The following ALS2 variants were observed in gnomAD, a reference collection of about 807,000 sequenced individuals.
The protein encoded by ALS2 is alsin.
ALS2 carries 117 observed loss-of-function variants against 203.4 expected under a neutral mutation model. The ratio of observed to expected loss-of-function variants is 0.58; its 90% CI spans 0.50 to 0.67. The LOEUF is 0.67. Ranked by LOEUF, ALS2 falls within the 30% of genes least tolerant of loss-of-function variation. The probability of loss-of-function intolerance (pLI) is 0.00; values close to 1 mark genes in which losing one functional copy is unlikely to be tolerated. For synonymous variants in ALS2, 718 were observed against 725.9 expected, an observed-to-expected ratio of 0.99 and a Z score of 0.17; for missense variants, 1,715 against 1,989.4, an observed-to-expected ratio of 0.86 and a Z score of 2.62.
rs79506003 is a variant in ALS2, at chr2:201,764,336, A to T, written c.176-2518T>A. 5.4e-4 allele frequency among the ~76,000 whole-genome samples: 82 copies of T among 152,294 alleles called. 1 individual carries two copies. The East Asian group carries it at 0.014, about 27-fold the overall frequency. ...CAAAAACAAAAACTGGAGCATATAA[A>T]AAATAGTGAAACAGGCTGGGTGCAG... is the stretch of plus-strand genomic sequence containing the variant. On this transcript the variant is annotated intron_variant, in intron 3 of 33. Coordinates refer to ENST00000264276, the MANE Select transcript of ALS2 (RefSeq NM_020919.4).
rs774876739 is a variant in ALS2, at chr2:201,761,074, G to A, written c.920C>T (p.Ala307Val). 4.3e-6 allele frequency: 7 copies of A among 1,614,156 alleles called. No homozygotes were observed. Among genetic ancestry groups the A allele is most frequent in the Non-Finnish European group, 5.9e-6 (7 of 1,180,026 alleles). ...NDQSVATELNAVSAQITSSDA... is the reference protein window; with the variant it reads ...NDQSVATELNVVSAQITSSDA... ...GCTGCTTGTGATCTGAGCACTTACT[G>A]CATTCAGTTCAGTAGCAACAGACTG... Residue 307 changes from alanine to valine, a missense_variant, in exon 4 of 34, where the codon GCA becomes GTA. This residue lies in a region of ALS2 where 476 missense variants were observed against 539.3 expected (regional missense o/e 0.88). Transcript: ENST00000264276.
rs7601642 is a variant in ALS2 at position 201,728,736 on chromosome 2, A to G, written c.2713-96T>C. 0.073 allele frequency: 105,494 copies of G among 1,451,508 alleles called. 4,254 individuals carry two copies. The highest frequency in any genetic ancestry group is 0.11 in the African/African-American group (7,738 of 70,428). The allele number at this position is 1,451,508 out of a possible 1,614,324, so 89.9% of individuals were successfully genotyped here. On this transcript the variant is annotated intron_variant, in intron 14 of 33. Coordinates refer to ENST00000264276, the MANE Select transcript of ALS2 (RefSeq NM_020919.4). ...ACAGACACAAATCACATTTAAGGGA[A>G]TTTGCTGGTCGTAGCTTAGCTTGGT... is the stretch of plus-strand genomic sequence containing the variant.
intron 11 of ALS2, among the ~76,000 whole-genome samples, 153 bp from the exon 12 acceptor site, chr2:201,738,888 TA>T (rs1692060394): frequency 6.6e-6 from 1 of 152,152 alleles, no homozygotes; most frequent in African/African-American, 2.4e-5. Flanking sequence ...GCAGGTTGTG[TA>T]ATAATTACAA....
At position 201,753,147 on chromosome 2, in the gene ALS2, T is replaced by C. The variant is rs1386670079; in HGVS notation, c.1736A>G (p.Gln579Arg). The C allele has an allele frequency of 1.9e-6, 3 of 1,613,366 alleles. No individual in the cohort carries two copies. Among genetic ancestry groups the C allele is most frequent in the African/African-American group, 1.3e-5 (1 of 74,928 alleles). ...AGCATTTAATAGTTTGCCTCCTACC[T>C]GGGATTTCGCAGTAAGTGCAAGAGA... is the stretch of plus-strand genomic sequence containing the variant. ...YHSLALTAKS[Q>R]VYSWGSNTFG... is the part of the protein sequence containing the mutation. The change falls in exon 7 of 34, where the codon CAG becomes CGG. Residue 579 changes from glutamine (Q) to arginine (R), a missense_variant and splice_region_variant. Physicochemically the swap from Gln to Arg is conservative, Grantham distance 43. Transcript: ENST00000264276.
rs77202762 is a variant in ALS2 at position 201,708,187 on chromosome 2, G to A, written c.4281-196C>T. ...AATAATACCACTACAAAATCTTCAC[G>A]TGCTATGATTTTCTCCTGTCTAGTT... On this transcript the variant is annotated intron_variant, in intron 27 of 33. Transcript: ENST00000264276. Among the ~76,000 whole-genome samples the A allele has an allele frequency of 0.052, 7,866 of 152,048 alleles. 222 individuals carry two copies. Among genetic ancestry groups the A allele is most frequent in the Middle Eastern group, 0.088 (26 of 294 alleles).
chr2:201,727,427 TG>T (rs1431126126), intron 16 of ALS2, 149 bp from the exon 17 acceptor site: 2 of 791,366 alleles, frequency 2.5e-6, no homozygotes, highest in Non-Finnish European at 4.3e-6. Flanking sequence ...GCCACCACGG[TG>T]GAAAGAACAA....
intron 10 of ALS2, among the ~76,000 whole-genome samples, chr2:201,742,769 T>C (rs1466151703): frequency 6.6e-6 from 1 of 152,186 alleles, no homozygotes; most frequent in Non-Finnish European, 1.5e-5. Context: ...AAAGATGTTT[T>C]TCCACTAGAA....
intron 2 of ALS2, 95 bp downstream of exon 2, chr2:201,768,756 CACTTAACAACCATCA>C (rs1694230638): frequency 1.9e-6 from 2 of 1,065,108 alleles, no homozygotes; most frequent in Admixed American, 3.8e-5. Context: ...TCACTATTCC[CACTTAACAACCATCA>C]ACAAGAAAAT....
chr2:201,729,047 C>T lies in ALS2; in HGVS notation c.2712+5G>A, dbSNP rs765437427. 1 of 1,614,078 alleles carries T rather than the reference C, an allele frequency of 6.2e-7. No individual in the cohort carries two copies. The highest frequency in any genetic ancestry group is 1.1e-5 in the South Asian group (1 of 91,084). ...GGGTAACAAATGACAACTGGCATGG[C>T]TTACCGTCATTTTTCCGGGGAAGGT... On this transcript the variant is annotated splice_donor_5th_base_variant and intron_variant, in intron 14 of 33. Coordinates refer to ENST00000264276, the MANE Select transcript of ALS2 (RefSeq NM_020919.4).
rs185169000 is a variant in ALS2, at chr2:201,757,072, T to C, written c.1471+330A>G. On this transcript the variant is annotated intron_variant, in intron 5 of 33. Transcript: ENST00000264276. ...CAAGTACAGTAATTCACTTATCCAA[T>C]GGTCGCATCTCCAACCTCATCGATC... Among the ~76,000 whole-genome samples, 231 of 152,326 alleles carry C rather than the reference T, an allele frequency of 1.5e-3. 1 individual carries two copies. Among genetic ancestry groups the C allele is most frequent in the Admixed American group, 2.5e-3 (39 of 15,298 alleles).
chr2:201,718,954 G>T (rs1400816971), intron 23 of ALS2, among the ~76,000 whole-genome samples: 1 of 151,896 alleles, frequency 6.6e-6, no homozygotes, highest in Non-Finnish European at 1.5e-5. Flanking sequence ...GGAGGGAAAT[G>T]ATAAAGATTA....
chr2:201,713,886 G>C (rs1574674012), intron 25 of ALS2, among the ~76,000 whole-genome samples: 3 of 152,084 alleles, frequency 2.0e-5, no homozygotes, highest in African/African-American at 7.2e-5. Flanking sequence ...TTAATGTCTT[G>C]GATATTTTGA....
At chr2:201,720,986 T>A (rs915566066) in intron 23 of ALS2, among the ~76,000 whole-genome samples, 1 of 152,028 alleles carries the variant, frequency 6.6e-6, no homozygotes, top group African/African-American at 2.4e-5. Flanking sequence ...ATAAACGAAT[T>A]CAGCAAGATT....
chr2:201,733,213 C>T lies in ALS2; in HGVS notation c.2580+63G>A, dbSNP rs146580883. 1,283 of 1,537,440 alleles carry T rather than the reference C, an allele frequency of 8.3e-4. 12 individuals carry two copies. The African/African-American group carries it at 0.015, about 18-fold the overall frequency. On this transcript the variant is annotated intron_variant, in intron 13 of 33. Coordinates refer to ENST00000264276, the MANE Select transcript of ALS2 (RefSeq NM_020919.4). ...GTTCCAGATCTTGTGGTGGCATAAT[C>T]CATACAAACAACTATGATCCTTGGC...
chr2:201,750,060 G>T (rs1479104301), intron 7 of ALS2, among the ~76,000 whole-genome samples: 7 of 152,060 alleles, frequency 4.6e-5, no homozygotes, highest in Non-Finnish European at 8.8e-5. Flanking sequence ...CAGCTACTTG[G>T]GAGGCTGAGG....
intron 2 of ALS2, 93 bp downstream of exon 2, chr2:201,768,773 C>A: frequency 7.8e-7 from 1 of 1,275,364 alleles, no homozygotes; most frequent in South Asian, 1.3e-5. Context: ...CAACCATCAA[C>A]AAGAAAATTA....
At chr2:201,733,504 A>G in intron 12 of ALS2, 66 bp from the exon 13 acceptor site, 1 of 1,422,384 alleles carries the variant, frequency 7.0e-7, no homozygotes, top group Non-Finnish European at 9.8e-7. Flanking sequence ...CATTAAATAA[A>G]AAATTTCACT....
At chr2:201,769,418 G>A (rs1694268403) in intron 1 of ALS2, among the ~76,000 whole-genome samples, 1 of 152,128 alleles carries the variant, frequency 6.6e-6, no homozygotes, top group Admixed American at 6.5e-5. Flanking sequence ...TTTCAGTAAT[G>A]CACAAAAATT....
rs1453048735 is a variant in ALS2 at position 201,701,637 on chromosome 2, A to G, written c.*214T>C. On this transcript the variant is annotated 3_prime_UTR_variant, in exon 34 of 34. Coordinates refer to ENST00000264276, the MANE Select transcript of ALS2 (RefSeq NM_020919.4). ...ATAGGCCAAGAACTGGTCTAATCTGATTTTTTACCTCCCTTTCAATCCTCC... is the reference window on the plus strand; with the variant it reads ...ATAGGCCAAGAACTGGTCTAATCTGGTTTTTTACCTCCCTTTCAATCCTCC... 1 of 561,710 alleles carries G rather than the reference A, an allele frequency of 1.8e-6. No individual in the cohort carries two copies. The highest frequency in any genetic ancestry group is 3.2e-6 in the Non-Finnish European group (1 of 312,922). The allele number at this position is 561,710 out of a possible 1,614,324, so 34.8% of individuals were successfully genotyped here. A position where few individuals can be genotyped will look rare whatever the true frequency, so the allele number is the denominator to read the frequency against.
Sources: allele counts gnomAD v4.1 joint callset (sites outside exome capture counted in the v4.1 genomes callset), GRCh38; gene constraint gnomAD v4.1.1; regional missense constraint gnomAD v4.1.1; transcripts MANE v1.5; gene names NCBI Gene and HGNC (gene_info 2026-07-23, HGNC 2026-07-21).